NAALADL2: variants seen among roughly 807,000 people sequenced by gnomAD.
The protein encoded by NAALADL2 is inactive N-acetylated-alpha-linked acidic dipeptidase-like protein 2.
NAALADL2 carries 76 observed loss-of-function variants against 87.2 expected under a neutral mutation model. The ratio of observed to expected loss-of-function variants is 0.87; its 90% CI spans 0.72 to 1.05. NAALADL2 has a LOEUF of 1.05. Among genes scored for constraint, NAALADL2 ranks in the 50% least tolerant of loss-of-function variants. NAALADL2 has a pLI of 0.00. For synonymous variants in NAALADL2, 354 were observed against 331.0 expected (o/e 1.07, Z -0.75); for missense variants, 1,089 against 945.8 (o/e 1.15, Z -1.99).
At chr3:175,151,920 G>A (rs886247199) in intron 2 of NAALADL2, among the ~76,000 whole-genome samples, 3 of 152,130 alleles carry the variant, frequency 2.0e-5, no homozygotes, top group African/African-American at 7.2e-5. Context: ...ATTACCAAAT[G>A]TATTTTATAA....
intron 2 of NAALADL2, among the ~76,000 whole-genome samples, chr3:174,622,883 A>G (rs1721161563): frequency 6.6e-6 from 1 of 152,082 alleles, no homozygotes; most frequent in Non-Finnish European, 1.5e-5. Context: ...TACTAAAAAA[A>G]GTACAAAAAA....
intron 3 of NAALADL2, among the ~76,000 whole-genome samples, chr3:174,836,209 T>TA (rs1323352156): frequency 6.6e-6 from 1 of 152,172 alleles, no homozygotes; most frequent in Non-Finnish European, 1.5e-5. Context: ...TTGTAGTCAT[T>TA]ACGCAAAGTG....
chr3:175,476,799 A>G (rs1725760516), intron 9 of NAALADL2, among the ~76,000 whole-genome samples: 1 of 90,564 alleles, frequency 1.1e-5, no homozygotes, highest in Non-Finnish European at 2.7e-5. Context: ...TTTAGGGTAT[A>G]AAAACAACAC....
At chr3:174,623,280 C>T (rs1721220798) in intron 2 of NAALADL2, among the ~76,000 whole-genome samples, 1 of 152,098 alleles carries the variant, frequency 6.6e-6, no homozygotes, top group African/African-American at 2.4e-5. Flanking sequence ...GAAGGGGCTA[C>T]AAAATTATTA....
At chr3:175,433,184 T>C (rs981743251) in intron 5 of NAALADL2, among the ~76,000 whole-genome samples, 3 of 152,054 alleles carry the variant, frequency 2.0e-5, no homozygotes, top group Non-Finnish European at 4.4e-5. Flanking sequence ...CTGTTCTTGC[T>C]CTGGAATAAC....
chr3:174,775,544 C>T (rs1443406271), intron 3 of NAALADL2, among the ~76,000 whole-genome samples: 2 of 152,016 alleles, frequency 1.3e-5, no homozygotes, highest in Non-Finnish European at 2.9e-5. Context: ...GTTGGGTTCT[C>T]CAGGAAAAAT....
intron 11 of NAALADL2, among the ~76,000 whole-genome samples, chr3:175,650,188 C>T (rs1730571668): frequency 6.6e-6 from 1 of 151,176 alleles, no homozygotes. Context: ...ACTTCAAAAA[C>T]ATTATGCTAA....
intron 11 of NAALADL2, among the ~76,000 whole-genome samples, chr3:175,724,771 T>C (rs957321696): frequency 3.3e-5 from 5 of 152,112 alleles, no homozygotes; most frequent in Admixed American, 1.3e-4. Flanking sequence ...TATTTTTTAA[T>C]GTTCATATTT....
chr3:175,125,742 G>A lies in NAALADL2; in HGVS notation c.545+28451G>A, dbSNP rs529956426. ...TTCGAGAAGCCTACTAGACATCCAA[G>A]AACATATGTTAAGTGCATAGTTCAG... On this transcript the variant is annotated intron_variant, in intron 2 of 13. Coordinates refer to ENST00000454872, the MANE Select transcript of NAALADL2 (RefSeq NM_207015.3). 2.6e-5 allele frequency among the ~76,000 whole-genome samples: 4 copies of A among 152,186 alleles called. No individual in the cohort carries two copies. In the South Asian group the frequency reaches 8.3e-4, roughly 31 times the overall value.
intron 1 of NAALADL2, among the ~76,000 whole-genome samples, chr3:174,913,943 A>C (rs1281132018): frequency 3.9e-5 from 6 of 152,126 alleles, no homozygotes; most frequent in African/African-American, 1.4e-4. Context: ...CAGCCTAAGA[A>C]AAACAAAATT....
At chr3:175,738,570 T>C (rs1312940472) in intron 12 of NAALADL2, among the ~76,000 whole-genome samples, 2 of 152,136 alleles carry the variant, frequency 1.3e-5, no homozygotes, top group Admixed American at 6.5e-5. Flanking sequence ...TTTACCTGGA[T>C]TGTTTCTTAC....
At chr3:175,086,872 C>A (rs1719053208) in intron 1 of NAALADL2, among the ~76,000 whole-genome samples, 1 of 152,062 alleles carries the variant, frequency 6.6e-6, no homozygotes, top group South Asian at 2.1e-4. Flanking sequence ...ATTTATCATC[C>A]TTTCTTTTTA....
intron 1 of NAALADL2, among the ~76,000 whole-genome samples, chr3:174,494,978 C>A (rs1489581118): frequency 1.3e-5 from 2 of 152,248 alleles, no homozygotes; most frequent in East Asian, 3.9e-4. Context: ...CCAGTGGCAG[C>A]TTGCCCAAGT....
At chr3:175,203,296 A>G (rs1212516154) in intron 2 of NAALADL2, among the ~76,000 whole-genome samples, 1 of 152,104 alleles carries the variant, frequency 6.6e-6, no homozygotes, top group Admixed American at 6.5e-5. Flanking sequence ...TTTGGGAACT[A>G]GCGAGCTCCC....
intron 2 of NAALADL2, among the ~76,000 whole-genome samples, chr3:175,103,734 T>C (rs75995886): frequency 0.052 from 7,904 of 152,244 alleles, 583 homozygotes; most frequent in African/African-American, 0.16. Context: ...TCTGGAAAGA[T>C]AAATTCCATA....
At chr3:174,719,363 T>C (rs1731496085) in intron 2 of NAALADL2, among the ~76,000 whole-genome samples, 1 of 152,164 alleles carries the variant, frequency 6.6e-6, no homozygotes, top group South Asian at 2.1e-4. Flanking sequence ...GCAGGTTTTC[T>C]TTTTCTTCAA....
At chr3:174,925,098 G>T (rs1735800371) in intron 1 of NAALADL2, among the ~76,000 whole-genome samples, 1 of 152,012 alleles carries the variant, frequency 6.6e-6, no homozygotes, top group South Asian at 2.1e-4. Flanking sequence ...GTCAATTTTG[G>T]CTTTTGTTGC....
At chr3:175,368,916 C>T (rs1012698738) in intron 5 of NAALADL2, among the ~76,000 whole-genome samples, 1 of 151,884 alleles carries the variant, frequency 6.6e-6, no homozygotes, top group Admixed American at 6.6e-5. Flanking sequence ...AAAAAAATTG[C>T]CACCCCTGTA....
chr3:175,180,640 G>A (rs1181085774), intron 2 of NAALADL2, among the ~76,000 whole-genome samples: 1 of 151,734 alleles, frequency 6.6e-6, no homozygotes, highest in Admixed American at 6.6e-5. Flanking sequence ...TGCAATTCAT[G>A]AAATGAGAAA....
Sources: gnomAD v4.1 joint callset for allele counts (sites outside exome capture counted in the v4.1 genomes callset) on GRCh38, gnomAD v4.1.1 for gene constraint, MANE v1.5 for transcripts, NCBI Gene and HGNC (gene_info 2026-07-23, HGNC 2026-07-21) for gene names.